POTEF: variants seen among roughly 807,000 people sequenced by gnomAD.
POTEF encodes the protein ANKRD26-like family C member 1B.
In POTEF, 20 loss-of-function variants were observed where a neutral mutation model predicts 83.2. The observed-to-expected ratio is 0.24, with a 90% CI of 0.17 to 0.35. The LOEUF (loss-of-function observed/expected upper bound fraction) is 0.35, where lower values mean the gene tolerates loss of function less well. POTEF is among the 10% of genes least tolerant of loss of function. POTEF has a pLI of 1.00. For synonymous variants in POTEF, 196 were observed against 446.4 expected (o/e 0.44, Z 7.07); for missense variants, 550 against 1,203.2 (o/e 0.46, Z 8.03).
At position 130,110,470 on chromosome 2, in the gene POTEF, T is replaced by C. The variant is rs553997340; in HGVS notation, c.1055+73A>G. On this transcript the variant is annotated intron_variant, in intron 7 of 16. Transcript: ENST00000409914. ...CCAAACTATGACATCTCACCTGATATGTGAGATGCAACTGTTATAATTATT... is the reference window on the plus strand; with the variant it reads ...CCAAACTATGACATCTCACCTGATACGTGAGATGCAACTGTTATAATTATT... The C allele has an allele frequency of 7.0e-6, 10 of 1,432,356 alleles. No individual in the cohort carries two copies. The East Asian group carries it at 1.2e-4, about 17-fold the overall frequency. 88.7% of individuals were successfully genotyped at this position (1,432,356 alleles called of 1,614,324 possible).
chr2:130,087,584 T>C (rs1191175247), intron 13 of POTEF, among the ~76,000 whole-genome samples: 3 of 98,638 alleles, frequency 3.0e-5, no homozygotes, highest in Non-Finnish European at 5.8e-5. Flanking sequence ...ATTCTTCTGT[T>C]AATAAGGTTG....
Position 130,075,353 on chromosome 2 carries a change from C to T in POTEF, c.2119G>A (p.Val707Met), listed in dbSNP as rs780200668. ...NELTMDDDTA[V>M]LVIDNGSGMC... ...CCAGAGCCGTTGTCAATGACGAGCA[C>T]AGCGGTATCATCATCCATGGTGAGC... Residue 707 changes from valine to methionine, a missense_variant, in exon 17 of 17, where the codon GTG becomes ATG. By Grantham distance (21) the Val-to-Met change is conservative (BLOSUM62 1). Coordinates refer to ENST00000409914, the MANE Select transcript of POTEF (RefSeq NM_001099771.2). 6.2e-6 allele frequency: 10 copies of T among 1,612,236 alleles called. No homozygotes were observed. In the Admixed American group the frequency reaches 6.7e-5, roughly 11 times the overall value.
At chr2:130,126,865 C>G (rs1363351546) in intron 2 of POTEF, among the ~76,000 whole-genome samples, 2 of 151,764 alleles carry the variant, frequency 1.3e-5, no homozygotes, top group Admixed American at 1.3e-4. Context: ...GAAATAGAAG[C>G]AGCAGCAAAA....
chr2:130,097,120 G>GT (rs1475651465), intron 11 of POTEF, among the ~76,000 whole-genome samples: 2 of 97,884 alleles, frequency 2.0e-5, no homozygotes, highest in East Asian at 5.9e-4. Flanking sequence ...TGAAGACGCC[G>GT]TTAGGGAGGA....
intron 8 of POTEF, among the ~76,000 whole-genome samples, chr2:130,107,501 T>C (rs1317102790): frequency 6.6e-6 from 1 of 151,054 alleles, no homozygotes; most frequent in Non-Finnish European, 1.5e-5. Context: ...CCATGGACTA[T>C]TATGAACCAC....
chr2:130,125,761 C>A (rs1685077073), intron 2 of POTEF, among the ~76,000 whole-genome samples: 1 of 151,858 alleles, frequency 6.6e-6, no homozygotes, highest in Non-Finnish European at 1.5e-5. Context: ...CAAAAAGTAG[C>A]CGGGCGTGGT....
rs1558878868 is a variant in POTEF, at chr2:130,075,161, T to C, written c.2311A>G (p.Met771Val). The C allele has an allele frequency of 1.2e-6, 2 of 1,613,392 alleles. No individual in the cohort carries two copies. Among genetic ancestry groups the C allele is most frequent in the Admixed American group, 1.7e-5 (1 of 59,916 alleles). Residue 771 changes from methionine to valine, a missense_variant, in exon 17 of 17, where the codon ATG becomes GTG. Physicochemically the swap from Met to Val is conservative, Grantham distance 21. Coordinates refer to ENST00000409914, the MANE Select transcript of POTEF (RefSeq NM_001099771.2). ...CAGTTGGTGATGATGCCGTGTTCCA[T>C]GGGGTACTTCAGGGTCAGGATGCCT... ...KRGILTLKYP[M>V]EHGIITNWDD...
chr2:130,104,628 G>C (rs1429450553), intron 8 of POTEF, among the ~76,000 whole-genome samples: 2 of 151,650 alleles, frequency 1.3e-5, no homozygotes, highest in African/African-American at 4.9e-5. Flanking sequence ...CTCTAGGACT[G>C]AATTTGCTGT....
In POTEF at chr2:130,075,329, C is replaced by T. The variant is rs1486131620; in HGVS notation, c.2143G>A (p.Gly715Ser). 1 of 1,612,654 alleles carries T rather than the reference C, an allele frequency of 6.2e-7. No individual in the cohort carries two copies. The highest frequency in any genetic ancestry group is 8.5e-7 in the Non-Finnish European group (1 of 1,179,848). ...TAVLVIDNGS[G>S]MCKAGFAGDD... is the part of the protein sequence containing the mutation. ...CCCGCAAAGCCGGCCTTGCACATGCCAGAGCCGTTGTCAATGACGAGCACA... is the reference window on the plus strand; with the variant it reads ...CCCGCAAAGCCGGCCTTGCACATGCTAGAGCCGTTGTCAATGACGAGCACA... Residue 715 changes from glycine (G) to serine (S), a missense_variant, in exon 17 of 17, where the codon GGC (glycine) becomes AGC (serine). Coordinates refer to ENST00000409914, the MANE Select transcript of POTEF (RefSeq NM_001099771.2).
At chr2:130,117,175 T>C (rs1242187513) in intron 3 of POTEF, among the ~76,000 whole-genome samples, 2 of 151,948 alleles carry the variant, frequency 1.3e-5, no homozygotes, top group African/African-American at 4.9e-5. Context: ...GATTAATTCA[T>C]ACTTTTTACA....
At position 130,075,447 on chromosome 2, in the gene POTEF, T is replaced by G. The variant is rs553411346; in HGVS notation, c.2025A>C (p.Lys675Asn). ...MKHQSQLREK[K>N]YLEDIESVKK... The stretch of plus-strand genomic sequence containing the variant: ...TCACACTTTCAATATCCTCCAAATA[T>G]TTCTTTTCTCTTAGCTGGCTCTGAT... The change falls in exon 17 of 17, where the codon AAA becomes AAC. Residue 675 changes from lysine (K) to asparagine (N), a missense_variant. Lys to Asn is a moderately conservative substitution (Grantham distance 94, BLOSUM62 0). Transcript: ENST00000409914. 139 of 1,611,384 alleles carry G rather than the reference T, an allele frequency of 8.6e-5. No individual in the cohort carries two copies. Among genetic ancestry groups the G allele is most frequent in the Non-Finnish European group, 1.2e-4 (138 of 1,179,660 alleles).
chr2:130,076,136 A>C (rs1370946361), intron 16 of POTEF, among the ~76,000 whole-genome samples: 1 of 89,130 alleles, frequency 1.1e-5, no homozygotes, highest in African/African-American at 4.5e-5. Context: ...AATTACATTT[A>C]TTTATAACTG....
At chr2:130,126,888 G>A (rs1296252499) in intron 2 of POTEF, among the ~76,000 whole-genome samples, 3 of 151,846 alleles carry the variant, frequency 2.0e-5, no homozygotes, top group Non-Finnish European at 4.4e-5. Flanking sequence ...AAATGAAGAG[G>A]AACAAGAAGA....
chr2:130,109,449 C>T (rs1189220022), intron 7 of POTEF: 1 of 146,034 alleles, frequency 6.8e-6, no homozygotes, highest in Admixed American at 6.9e-5. Flanking sequence ...ATCTTAAAAT[C>T]TTGAGCTAGA....
chr2:130,077,546 T>G (rs1409098806), intron 15 of POTEF, among the ~76,000 whole-genome samples: 2 of 131,966 alleles, frequency 1.5e-5, no homozygotes, highest in Non-Finnish European at 3.2e-5. Context: ...GAGCTTGTTT[T>G]CCTGCAACTA....
intron 3 of POTEF, among the ~76,000 whole-genome samples, chr2:130,117,555 T>C (rs1558894884): frequency 1.3e-5 from 2 of 152,082 alleles, no homozygotes; most frequent in Admixed American, 6.5e-5. Context: ...CGTGTATATG[T>C]GTAACCGATT....
At position 130,112,025 on chromosome 2, in the gene POTEF, G is replaced by A. The variant is rs751647472; in HGVS notation, c.887C>T (p.Ala296Val). 28 of 1,252,138 alleles carry A rather than the reference G, an allele frequency of 2.2e-5. 1 individual carries two copies. The highest frequency in any genetic ancestry group is 7.7e-5 in the South Asian group (6 of 77,846). 77.6% of individuals were successfully genotyped at this position (1,252,138 alleles called of 1,614,324 possible). A position where few individuals can be genotyped will look rare whatever the true frequency, so the allele number is the denominator to read the frequency against. The change falls in exon 6 of 17, where the codon GCG (alanine) becomes GTG (valine). Residue 296 changes from alanine to valine, a missense_variant. Transcript: ENST00000409914. Reference sequence around the variant, plus strand: ...ATATCTATCCAGTGCATTTAAATTCGCTTTTTTCTTAATTAAAAATTTCAC... The same window carrying A: ...ATATCTATCCAGTGCATTTAAATTCACTTTTTTCTTAATTAAAAATTTCAC... ...QVVKFLIKKK[A>V]NLNALDRYGR...
intron 1 of POTEF, among the ~76,000 whole-genome samples, chr2:130,128,135 C>T (rs1336010356): frequency 8.8e-5 from 13 of 147,994 alleles, no homozygotes; most frequent in Non-Finnish European, 1.6e-4. Context: ...CCCAGCCAGC[C>T]CTCCCCACTC....
intron 16 of POTEF, among the ~76,000 whole-genome samples, chr2:130,075,887 A>C (rs1683788089): frequency 2.0e-5 from 3 of 151,224 alleles, no homozygotes; most frequent in African/African-American, 7.3e-5. Flanking sequence ...AATTAAAAAA[A>C]GCCTTTTTTC....
Sources: allele counts gnomAD v4.1 joint callset (sites outside exome capture counted in the v4.1 genomes callset), GRCh38; gene constraint gnomAD v4.1.1; transcripts MANE v1.5; gene names NCBI Gene and HGNC (gene_info 2026-07-23, HGNC 2026-07-21).